The following MDGA2 variants were observed in gnomAD, a reference collection of about 807,000 sequenced individuals.
The protein encoded by MDGA2 is MAM domain containing glycosylphosphatidylinositol anchor 2, also known as MAM domain-containing glycosylphosphatidylinositol anchor protein 2.
MDGA2 carries 40 observed loss-of-function variants against 117.8 expected under a neutral mutation model. The ratio of observed to expected loss-of-function variants is 0.34; its 90% CI spans 0.26 to 0.44. The LOEUF is 0.44. MDGA2 is among the 20% of genes least tolerant of loss of function. MDGA2 has a pLI of 1.00. For synonymous variants in MDGA2, 452 were observed against 439.0 expected, an observed-to-expected ratio of 1.03 and a Z score of -0.37; for missense variants, 1,123 against 1,250.6, an observed-to-expected ratio of 0.90 and a Z score of 1.54.
chr14:47,654,981 T>C (rs776998843), intron 1 of MDGA2, among the ~76,000 whole-genome samples: 1 of 152,072 alleles, frequency 6.6e-6, no homozygotes, highest in Non-Finnish European at 1.5e-5. Context: ...ACCCTGATGA[T>C]AATGTTGCTA....
rs10528657 is a variant in MDGA2 at position 47,673,632 on chromosome 14, ATGTGTG to A, written c.280+879_280+884del. Among the ~76,000 whole-genome samples the A allele has an allele frequency of 6.6e-3, 948 of 143,948 alleles. 5 individuals are homozygous for A. The highest frequency in any genetic ancestry group is 0.041 in the East Asian group (193 of 4,690). 94.4% of individuals were successfully genotyped at this position (143,948 alleles called of 152,430 possible). On this transcript the variant is annotated intron_variant, in intron 1 of 16. Coordinates refer to ENST00000399232, the MANE Select transcript of MDGA2 (RefSeq NM_001113498.3). The stretch of plus-strand genomic sequence containing the variant: ...TAGTCCACTATTAACTATGACCTGG[ATGTGTG>A]TGTGTGTGTGTGTGTGTGTGTGTGT...
chr14:47,428,807 TA>T (rs1892741551), intron 1 of MDGA2, among the ~76,000 whole-genome samples: 1 of 151,926 alleles, frequency 6.6e-6, no homozygotes. Context: ...GTAAAATACA[TA>T]CATATATATA....
chr14:47,114,963 A>C (rs1262905848), intron 5 of MDGA2, among the ~76,000 whole-genome samples: 1 of 151,516 alleles, frequency 6.6e-6, no homozygotes, highest in East Asian at 2.0e-4. Flanking sequence ...GCCAAAAAAA[A>C]AAAAAAAATG....
At chr14:47,376,924 C>G (rs1482364761) in intron 1 of MDGA2, among the ~76,000 whole-genome samples, 1 of 151,998 alleles carries the variant, frequency 6.6e-6, no homozygotes, top group Non-Finnish European at 1.5e-5. Flanking sequence ...ATGCTATCTA[C>G]TCCACATGTA....
intron 1 of MDGA2, among the ~76,000 whole-genome samples, chr14:47,377,343 G>A (rs889368368): frequency 6.6e-5 from 10 of 152,112 alleles, no homozygotes; most frequent in Admixed American, 2.0e-4. Context: ...CTGAGGTACC[G>A]GGTTCATCTC....
chr14:47,189,830 T>C (rs1217360872), intron 3 of MDGA2, among the ~76,000 whole-genome samples: 1 of 152,118 alleles, frequency 6.6e-6, no homozygotes, highest in Non-Finnish European at 1.5e-5. Context: ...ACTTAATATA[T>C]CTAAAATCAT....
At chr14:47,243,801 G>A (rs936391908) in intron 2 of MDGA2, among the ~76,000 whole-genome samples, 1 of 151,732 alleles carries the variant, frequency 6.6e-6, no homozygotes, top group African/African-American at 2.4e-5. Context: ...CACCAATTCC[G>A]GACACAAAAC....
intron 3 of MDGA2, among the ~76,000 whole-genome samples, chr14:47,211,517 G>A (rs573747565): frequency 3.3e-5 from 5 of 152,242 alleles, no homozygotes; most frequent in Non-Finnish European, 7.4e-5. Context: ...GAGACCCTGA[G>A]CTCAGGAAGC....
intron 1 of MDGA2, among the ~76,000 whole-genome samples, chr14:47,391,075 TTC>T (rs1229157691): frequency 1.3e-5 from 2 of 152,148 alleles, no homozygotes; most frequent in Admixed American, 1.3e-4. Flanking sequence ...TAAGGTGCTG[TTC>T]TCTCTGGCTG....
intron 3 of MDGA2, among the ~76,000 whole-genome samples, chr14:47,152,250 G>A (rs910155214): frequency 2.6e-5 from 4 of 152,040 alleles, no homozygotes; most frequent in African/African-American, 9.7e-5. Flanking sequence ...ACTTTTCCAT[G>A]GTTTTTCTTT....
intron 2 of MDGA2, among the ~76,000 whole-genome samples, chr14:47,290,387 C>G (rs926309814): frequency 6.6e-6 from 1 of 151,980 alleles, no homozygotes; most frequent in Non-Finnish European, 1.5e-5. Context: ...TCTGCAGGTG[C>G]CTTAATCTTG....
intron 1 of MDGA2, among the ~76,000 whole-genome samples, chr14:47,471,798 TAA>T (rs1893733986): frequency 6.6e-6 from 1 of 152,058 alleles, no homozygotes; most frequent in Non-Finnish European, 1.5e-5. Context: ...TTGTGTTCTT[TAA>T]GAGTTCCAAT....
intron 1 of MDGA2, among the ~76,000 whole-genome samples, chr14:47,388,499 C>T (rs1047067767): frequency 1.3e-5 from 2 of 152,098 alleles, no homozygotes; most frequent in Admixed American, 1.3e-4. Context: ...TTCTGCCTAC[C>T]TTACTCTTTT....
At chr14:47,008,710 G>A (rs1887796447) in intron 8 of MDGA2, among the ~76,000 whole-genome samples, 2 of 151,826 alleles carry the variant, frequency 1.3e-5, no homozygotes, top group South Asian at 4.2e-4. Flanking sequence ...ATCTGCCCTG[G>A]AAGTACAGTT....
chr14:46,956,779 T>C (rs1329938397), intron 9 of MDGA2, among the ~76,000 whole-genome samples: 1 of 152,128 alleles, frequency 6.6e-6, no homozygotes, highest in Non-Finnish European at 1.5e-5. Context: ...TCATGTGGAA[T>C]TGTAATCCCC....
chr14:47,036,260 ACT>A (rs1316570413), intron 7 of MDGA2, among the ~76,000 whole-genome samples: 2 of 123,398 alleles, frequency 1.6e-5, no homozygotes, highest in Non-Finnish European at 3.2e-5. Flanking sequence ...ACAGAGCCAG[ACT>A]CTGTCTCCAA....
At chr14:47,341,992 A>C (rs1355918245) in intron 1 of MDGA2, among the ~76,000 whole-genome samples, 1 of 151,926 alleles carries the variant, frequency 6.6e-6, no homozygotes, top group Non-Finnish European at 1.5e-5. Flanking sequence ...GGCCAGCACC[A>C]CCAGGCCCGG....
chr14:47,418,777 T>C (rs912968031), intron 1 of MDGA2, among the ~76,000 whole-genome samples: 4 of 152,120 alleles, frequency 2.6e-5, no homozygotes, highest in African/African-American at 9.7e-5. Context: ...TATATCTAAC[T>C]GGTATGAGAG....
chr14:47,321,377 C>T (rs34762381), intron 1 of MDGA2, among the ~76,000 whole-genome samples: 13,885 of 152,166 alleles, frequency 0.091, 705 homozygotes, highest in Middle Eastern at 0.13. Flanking sequence ...AAAAATAGTT[C>T]CTGCAGATTT....
Sources: gnomAD v4.1 joint callset for allele counts (sites outside exome capture counted in the v4.1 genomes callset) on GRCh38, gnomAD v4.1.1 for gene constraint, MANE v1.5 for transcripts, NCBI Gene and HGNC (gene_info 2026-07-23, HGNC 2026-07-21) for gene names.